Variants in CEP63 observed in about 807,000 individuals in gnomAD.
The protein encoded by CEP63 is centrosomal protein of 63 kDa.
CEP63 carries 84 observed loss-of-function variants against 89.1 expected under a neutral mutation model. That is an observed-to-expected ratio of 0.94 (90% CI 0.79 to 1.13). CEP63 has a LOEUF of 1.13. Among genes scored for constraint, CEP63 ranks in the 50% most tolerant of loss-of-function variants. CEP63 has a pLI of 0.00. For synonymous variants in CEP63, 267 were observed against 272.5 expected, an observed-to-expected ratio of 0.98 and a Z score of 0.20; for missense variants, 838 against 813.3, an observed-to-expected ratio of 1.03 and a Z score of -0.37.
At chr3:134,671,616 C>G in the CEP63 span, among the ~76,000 whole-genome samples, 1 of 152,136 alleles carries the variant, frequency 6.6e-6, no homozygotes, top group Non-Finnish European at 1.5e-5. Flanking sequence ...TGAAACATTT[C>G]ATAAGGAAAA....
At chr3:134,606,055 T>C in the CEP63 span, among the ~76,000 whole-genome samples, 1 of 152,230 alleles carries the variant, frequency 6.6e-6, no homozygotes, top group Admixed American at 6.5e-5. Context: ...ATAGAGTTGC[T>C]ATCCCCTCTT....
the CEP63 span, among the ~76,000 whole-genome samples, chr3:134,609,068 A>T: frequency 1.3e-5 from 2 of 152,184 alleles, no homozygotes; most frequent in Non-Finnish European, 2.9e-5. Context: ...TGTGGTCTGC[A>T]CTCAGTGCCC....
At chr3:134,696,499 T>C in the CEP63 span, among the ~76,000 whole-genome samples, 1 of 152,352 alleles carries the variant, frequency 6.6e-6, no homozygotes, top group South Asian at 2.1e-4. Context: ...AGTCTGATTC[T>C]GGGTATCATG....
chr3:134,715,375 A>C, the CEP63 span, among the ~76,000 whole-genome samples: 3 of 151,164 alleles, frequency 2.0e-5, no homozygotes, highest in African/African-American at 7.4e-5. Context: ...GATGAATTGC[A>C]CAACTTCTAC....
chr3:134,546,310 A>T, intron 8 of CEP63, 22 bp downstream of exon 8: 1 of 1,605,732 alleles, frequency 6.2e-7, no homozygotes, highest in Non-Finnish European at 8.5e-7. Context: ...CTTAAATATT[A>T]TTCATCTTAG....
chr3:134,701,947 C>G, the CEP63 span, among the ~76,000 whole-genome samples: 1,487 of 152,194 alleles, frequency 9.8e-3, 22 homozygotes, highest in African/African-American at 0.034. Context: ...GCTACTGAAT[C>G]TGGGCTAGGG....
At chr3:134,646,344 T>G in the CEP63 span, among the ~76,000 whole-genome samples, 1 of 151,756 alleles carries the variant, frequency 6.6e-6, no homozygotes, top group African/African-American at 2.4e-5. Context: ...GGATGGGGAG[T>G]GTGTCTTGAG....
chr3:134,593,139 T>G, the CEP63 span, among the ~76,000 whole-genome samples: 1 of 152,200 alleles, frequency 6.6e-6, no homozygotes, highest in Admixed American at 6.5e-5. Context: ...TAGGAAAGAC[T>G]GGGTGATTGC....
intron 3 of CEP63, among the ~76,000 whole-genome samples, chr3:134,519,280 T>A (rs1946909807): frequency 6.6e-6 from 1 of 151,494 alleles, no homozygotes. Context: ...CGCACCACCA[T>A]GCCCGGCTAA....
At chr3:134,721,579 G>A in the CEP63 span, among the ~76,000 whole-genome samples, 10,839 of 152,140 alleles carry the variant, frequency 0.071, 699 homozygotes, top group African/African-American at 0.18. Flanking sequence ...CTTTCACCAT[G>A]TGGTATGATG....
At chr3:134,749,148 C>T in the CEP63 span, among the ~76,000 whole-genome samples, 3 of 152,312 alleles carry the variant, frequency 2.0e-5, no homozygotes, top group South Asian at 2.1e-4. Context: ...TTCACTAGGT[C>T]AGTGTCTTTC....
the CEP63 span, among the ~76,000 whole-genome samples, chr3:134,716,469 G>T: frequency 6.6e-6 from 1 of 152,166 alleles, no homozygotes; most frequent in Non-Finnish European, 1.5e-5. Context: ...TTGAGAGGGG[G>T]TGGTCAATCT....
rs1175844561 is a variant in CEP63, at chr3:134,551,918, C to T, written c.1381-8C>T. ...TATATTTATTTTTTTCTGTTTTCCC[C>T]TTTTCAGGAGATTTTGGATCAGCTG... is the stretch of plus-strand genomic sequence containing the variant. On this transcript the variant is annotated splice_polypyrimidine_tract_variant and splice_region_variant and intron_variant, in intron 11 of 14. Transcript: ENST00000675561. 6.3e-7 allele frequency: 1 copy of T among 1,593,070 alleles called. No individual in the cohort carries two copies. The highest frequency in any genetic ancestry group is 1.7e-5 in the Admixed American group (1 of 59,146).
At chr3:134,531,700 T>C (rs1559958534) in intron 3 of CEP63, 145 bp from the exon 4 acceptor site, 2 of 629,350 alleles carry the variant, frequency 3.2e-6, no homozygotes. Context: ...GGTATTTGAC[T>C]TCCTAAGAAG....
the CEP63 span, chr3:134,608,799 T>A: frequency 3.7e-6 from 6 of 1,613,846 alleles, no homozygotes; most frequent in East Asian, 2.2e-5. Context: ...TGGTCCTCGA[T>A]GAACAGTGCA....
chr3:134,748,512 T>C, the CEP63 span, among the ~76,000 whole-genome samples: 1 of 152,158 alleles, frequency 6.6e-6, no homozygotes, highest in Non-Finnish European at 1.5e-5. Context: ...CTGTTCTTTC[T>C]ACATATACTG....
the CEP63 span, among the ~76,000 whole-genome samples, chr3:134,634,334 T>C: frequency 2.0e-5 from 3 of 152,104 alleles, no homozygotes; most frequent in Non-Finnish European, 4.4e-5. Flanking sequence ...ACTCCCACTC[T>C]TTGATTTTAA....
At chr3:134,697,271 T>C in the CEP63 span, among the ~76,000 whole-genome samples, 1 of 151,178 alleles carries the variant, frequency 6.6e-6, no homozygotes, top group Non-Finnish European at 1.5e-5. Flanking sequence ...CAGCCTAACA[T>C]AAAGAAGAAC....
the CEP63 span, chr3:134,627,791 G>C: frequency 6.2e-7 from 1 of 1,613,882 alleles, no homozygotes; most frequent in Non-Finnish European, 8.5e-7. Flanking sequence ...CCGGGGTCTT[G>C]TGTTTCCATT....
Sources: gnomAD v4.1 joint callset for allele counts (sites outside exome capture counted in the v4.1 genomes callset) on GRCh38, gnomAD v4.1.1 for gene constraint, MANE v1.5 for transcripts, NCBI Gene and HGNC (gene_info 2026-07-23, HGNC 2026-07-21) for gene names.